The following STOX1 variants were observed in gnomAD, a reference collection of about 807,000 sequenced individuals.
STOX1 encodes the protein storkhead box 1.
A neutral mutation model predicts 74.8 loss-of-function variants in STOX1; 57 were observed. The observed-to-expected ratio is 0.76, with a 90% CI of 0.62 to 0.95. STOX1 has a LOEUF of 0.95. STOX1 is among the 40% of genes least tolerant of loss of function. STOX1 has a pLI of 0.00. For missense variants in STOX1, 1,010 were observed against 1,117.0 expected, an observed-to-expected ratio of 0.90 and a Z score of 1.37; for synonymous variants, 375 against 401.3, an observed-to-expected ratio of 0.93 and a Z score of 0.78.
intron 1 of STOX1, among the ~76,000 whole-genome samples, chr10:68,829,181 A>G (rs1463085936): frequency 6.6e-6 from 1 of 152,230 alleles, no homozygotes; most frequent in Non-Finnish European, 1.5e-5. Flanking sequence ...CGCAAATAAA[A>G]AACATTTGTT....
chr10:68,871,209 C>T (rs1423514729), intron 1 of STOX1, among the ~76,000 whole-genome samples: 1 of 152,140 alleles, frequency 6.6e-6, no homozygotes, highest in East Asian at 1.9e-4. Flanking sequence ...GACTGAGGCT[C>T]CTTGTATCTC....
intron 3 of STOX1, among the ~76,000 whole-genome samples, chr10:68,890,752 T>G (rs747020466): frequency 7.3e-5 from 11 of 150,926 alleles, no homozygotes; most frequent in Admixed American, 1.3e-4. Flanking sequence ...CCGGGTTCAA[T>G]TGATTCTCCT....
intron 1 of STOX1, 146 bp from the exon 2 acceptor site, chr10:68,881,812 T>C (rs1840818626): frequency 1.1e-6 from 1 of 888,466 alleles, no homozygotes; most frequent in South Asian, 1.5e-5. Context: ...ATTGTACATG[T>C]CATGTTAACA....
At chr10:68,829,583 A>G (rs1198462420) in intron 1 of STOX1, among the ~76,000 whole-genome samples, 1 of 152,172 alleles carries the variant, frequency 6.6e-6, no homozygotes, top group Non-Finnish European at 1.5e-5. Flanking sequence ...ATTTGAAAAC[A>G]GGGCAGCAAG....
At chr10:68,863,207 G>A (rs1280763259) in intron 1 of STOX1, among the ~76,000 whole-genome samples, 3 of 152,094 alleles carry the variant, frequency 2.0e-5, no homozygotes, top group Non-Finnish European at 2.9e-5. Context: ...CAAGTTACAG[G>A]CTATAGAAGT....
At chr10:68,841,523 T>A (rs2133507785) in intron 1 of STOX1, among the ~76,000 whole-genome samples, 1 of 152,282 alleles carries the variant, frequency 6.6e-6, no homozygotes, top group Middle Eastern at 3.4e-3. Flanking sequence ...ACATGTATTA[T>A]TTTTTCTTGG....
In STOX1 at chr10:68,827,547, CCCGCCGAGCGAGCGGCGTCGTAG is replaced by C. The variant is rs1345411358; in HGVS notation, c.-70_-48del. 21 of 988,424 alleles carry C rather than the reference CCCGCCGAGCGAGCGGCGTCGTAG, an allele frequency of 2.1e-5. No homozygotes were observed. The East Asian group carries it at 1.2e-3, about 56-fold the overall frequency. The allele number at this position is 988,424 out of a possible 1,614,324, so 61.2% of individuals were successfully genotyped here. ...GACCCGCGCGCAGTCGGCCGATCCTCCCGCCGAGCGAGCGGCGTCGTAGCCGCCGCGCTCGCCGAGGCCCTGCG... is the reference window on the plus strand; with the variant it reads ...GACCCGCGCGCAGTCGGCCGATCCTCCCGCCGCGCTCGCCGAGGCCCTGCG... On this transcript the variant is annotated 5_prime_UTR_variant, in exon 1 of 4. Coordinates refer to ENST00000298596, the MANE Select transcript of STOX1 (RefSeq NM_152709.5).
rs1213098665 is a variant in STOX1, at chr10:68,885,697, CCAAA to C, written c.1904_1907del (p.Lys635ArgfsTer23). On this transcript the variant is annotated frameshift_variant, in exon 3 of 4. Transcript: ENST00000298596. LOFTEE classifies it high-confidence loss of function. ...TCCCACTTTGACAAATTAGGGGAGA[CCAAA>C]CAGACTCCGCATAGTCTGCCATCAC... 1 of 1,614,098 alleles carries C rather than the reference CCAAA, an allele frequency of 6.2e-7. No homozygotes were observed. Among genetic ancestry groups the C allele is most frequent in the East Asian group, 2.2e-5 (1 of 44,878 alleles).
chr10:68,888,019 A>G (rs1342983825), intron 3 of STOX1, among the ~76,000 whole-genome samples: 3 of 152,116 alleles, frequency 2.0e-5, no homozygotes, highest in Non-Finnish European at 2.9e-5. Context: ...TAACAATCTT[A>G]CTGGTTGAAA....
At chr10:68,868,544 A>G (rs983334656) in intron 1 of STOX1, among the ~76,000 whole-genome samples, 9 of 152,220 alleles carry the variant, frequency 5.9e-5, no homozygotes, top group African/African-American at 2.2e-4. Flanking sequence ...ACAGTGCTGC[A>G]GAGATCTTGT....
intron 1 of STOX1, among the ~76,000 whole-genome samples, chr10:68,870,505 G>C (rs963316871): frequency 8.5e-5 from 13 of 152,170 alleles, no homozygotes; most frequent in African/African-American, 2.9e-4. Context: ...CTAATACCTG[G>C]AACCTGTGAA....
intron 1 of STOX1, among the ~76,000 whole-genome samples, chr10:68,829,345 G>A (rs1748080846): frequency 6.6e-6 from 1 of 152,064 alleles, no homozygotes; most frequent in Non-Finnish European, 1.5e-5. Flanking sequence ...GTGAAACCCC[G>A]CTTCTACTAA....
chr10:68,833,836 T>A (rs1839474056), intron 1 of STOX1, among the ~76,000 whole-genome samples: 1 of 152,242 alleles, frequency 6.6e-6, no homozygotes, highest in African/African-American at 2.4e-5. Context: ...CTTCTCTTAC[T>A]GGCGTGAGCC....
intron 1 of STOX1, among the ~76,000 whole-genome samples, chr10:68,877,390 T>C (rs1840705479): frequency 6.6e-6 from 1 of 152,180 alleles, no homozygotes; most frequent in African/African-American, 2.4e-5. Context: ...AAAGTTGTGT[T>C]TCATACATTT....
chr10:68,876,193 T>C (rs1447740304), intron 1 of STOX1, among the ~76,000 whole-genome samples: 2 of 150,984 alleles, frequency 1.3e-5, no homozygotes, highest in Admixed American at 6.6e-5. Flanking sequence ...GTTTTACTCT[T>C]GTTGCCCAGG....
intron 1 of STOX1, among the ~76,000 whole-genome samples, chr10:68,833,281 G>T (rs911853029): frequency 7.2e-5 from 11 of 151,940 alleles, no homozygotes; most frequent in African/African-American, 2.7e-4. Flanking sequence ...TAGAGACAGG[G>T]TTTCTCCATG....
chr10:68,863,741 G>T (rs539975207), intron 1 of STOX1, among the ~76,000 whole-genome samples: 1 of 152,004 alleles, frequency 6.6e-6, no homozygotes, highest in African/African-American at 2.4e-5. Flanking sequence ...GTATGGAATC[G>T]TAACTGAGCA....
At chr10:68,847,681 A>T (rs1021521133) in intron 1 of STOX1, among the ~76,000 whole-genome samples, 7 of 150,946 alleles carry the variant, frequency 4.6e-5, no homozygotes, top group Non-Finnish European at 8.8e-5. Context: ...AAGTGCTGGG[A>T]TTACAGGCAT....
chr10:68,837,328 C>G (rs960639470), intron 1 of STOX1, among the ~76,000 whole-genome samples: 1 of 152,054 alleles, frequency 6.6e-6, no homozygotes, highest in African/African-American at 2.4e-5. Flanking sequence ...GGCATGTGTC[C>G]CGGTTGTATG....
Sources: gnomAD v4.1 joint callset for allele counts (sites outside exome capture counted in the v4.1 genomes callset) on GRCh38, gnomAD v4.1.1 for gene constraint, MANE v1.5 for transcripts, NCBI Gene and HGNC (gene_info 2026-07-23, HGNC 2026-07-21) for gene names.